COL25A1: variants seen among roughly 807,000 people sequenced by gnomAD.
COL25A1 encodes the protein collagen type XXV alpha 1 chain.
COL25A1 carries 103 observed loss-of-function variants against 128.4 expected under a neutral mutation model. That is an observed-to-expected ratio of 0.80 (90% confidence interval 0.68 to 0.94). The LOEUF (loss-of-function observed/expected upper bound fraction) is 0.94. Ranked by LOEUF, COL25A1 falls within the 40% of genes least tolerant of loss-of-function variation. The probability of loss-of-function intolerance (pLI) is 0.00; values close to 1 mark genes in which losing one functional copy is unlikely to be tolerated. For synonymous variants in COL25A1, 279 were observed against 277.2 expected, an observed-to-expected ratio of 1.01 and a Z score of -0.06; for missense variants, 745 against 840.0, an observed-to-expected ratio of 0.89 and a Z score of 1.40.
At chr4:109,049,677 A>G (rs886087467) in intron 4 of COL25A1, among the ~76,000 whole-genome samples, 1 of 152,250 alleles carries the variant, frequency 6.6e-6, no homozygotes, top group Non-Finnish European at 1.5e-5. Flanking sequence ...AAAGCATGAC[A>G]GAATTGTGCC....
intron 3 of COL25A1, among the ~76,000 whole-genome samples, chr4:109,172,687 G>A (rs1773703371): frequency 2.0e-5 from 3 of 152,136 alleles, no homozygotes; most frequent in African/African-American, 7.2e-5. Context: ...GCCAAAATTT[G>A]AAAGTTTCTG....
Position 108,941,415 on chromosome 4 carries a change from T to G in COL25A1, c.515A>C (p.His172Pro). The G allele has an allele frequency of 2.5e-6, 4 of 1,614,002 alleles. No homozygotes were observed. The highest frequency in any genetic ancestry group is 3.4e-6 in the Non-Finnish European group (4 of 1,179,920). ...GPRMVFPKIN[H>P]GFLSADQQLI... ...CTGCTGATCAGCAGAGAGAAACCCA[T>G]GATTGATTTTAGGAAACACCATCTG... Residue 172 changes from histidine (H) to proline (P), a missense_variant, in exon 9 of 38, where the codon CAT (histidine) becomes CCT (proline). His to Pro is a moderately conservative substitution (Grantham distance 77). Around this residue, in one of 3 missense-constraint regions of COL25A1, gnomAD observed 319 missense variants for 324.9 expected, o/e 0.98. Coordinates refer to ENST00000399132, the MANE Select transcript of COL25A1 (RefSeq NM_198721.4).
intron 3 of COL25A1, among the ~76,000 whole-genome samples, chr4:109,090,672 C>A (rs1385918288): frequency 6.6e-6 from 1 of 152,056 alleles, no homozygotes; most frequent in Non-Finnish European, 1.5e-5. Context: ...TAGTTTCACC[C>A]ACTTCCTTCT....
At chr4:108,849,911 C>T (rs906955069) in intron 26 of COL25A1, among the ~76,000 whole-genome samples, 2 of 151,910 alleles carry the variant, frequency 1.3e-5, no homozygotes, top group Non-Finnish European at 2.9e-5. Context: ...AAGGCATGAT[C>T]TTGTGGTTAT....
At chr4:108,989,176 T>C (rs1190719525) in intron 6 of COL25A1, among the ~76,000 whole-genome samples, 1 of 152,218 alleles carries the variant, frequency 6.6e-6, no homozygotes, top group East Asian at 1.9e-4. Context: ...TAGAGGAGGC[T>C]TCCATCCAGA....
intron 3 of COL25A1, among the ~76,000 whole-genome samples, chr4:109,136,918 T>G (rs1271358949): frequency 6.6e-6 from 1 of 152,238 alleles, no homozygotes; most frequent in Non-Finnish European, 1.5e-5. Flanking sequence ...CACATCCTCC[T>G]TTGAAGAGGC....
chr4:109,244,744 T>C (rs1357991285), intron 3 of COL25A1, among the ~76,000 whole-genome samples: 5 of 152,072 alleles, frequency 3.3e-5, no homozygotes, highest in Non-Finnish European at 7.4e-5. Context: ...ATCACAGAGG[T>C]TTAAAATTAA....
intron 24 of COL25A1, among the ~76,000 whole-genome samples, chr4:108,856,912 T>C (rs1736590706): frequency 6.6e-6 from 1 of 152,118 alleles, no homozygotes; most frequent in Non-Finnish European, 1.5e-5. Context: ...AGAAAAAAAT[T>C]TATTCCAATA....
chr4:108,944,948 G>A (rs562648587), intron 8 of COL25A1, among the ~76,000 whole-genome samples: 3 of 152,214 alleles, frequency 2.0e-5, no homozygotes, highest in Admixed American at 6.5e-5. Context: ...AGGAGTTTAC[G>A]TGTAGCAAAG....
intron 3 of COL25A1, among the ~76,000 whole-genome samples, chr4:109,205,572 C>T (rs1037655730): frequency 2.6e-5 from 4 of 152,088 alleles, no homozygotes; most frequent in African/African-American, 9.7e-5. Flanking sequence ...AGATCAAATA[C>T]AGAAGACATT....
At chr4:109,157,084 G>C (rs1182480372) in intron 3 of COL25A1, among the ~76,000 whole-genome samples, 1 of 152,172 alleles carries the variant, frequency 6.6e-6, no homozygotes, top group Admixed American at 6.5e-5. Context: ...TTAACTGACA[G>C]TCAGTTGCCT....
intron 3 of COL25A1, among the ~76,000 whole-genome samples, chr4:109,158,033 T>C (rs1445836020): frequency 6.6e-6 from 1 of 152,208 alleles, no homozygotes. Flanking sequence ...AAACCACCTG[T>C]TGAACTAAAG....
At chr4:108,819,357 T>C (rs768615936) in intron 35 of COL25A1, 28 bp from the exon 36 acceptor site, 2 of 1,567,350 alleles carry the variant, frequency 1.3e-6, no homozygotes. Flanking sequence ...CTCATAATGT[T>C]ACTAACACAA....
At chr4:109,021,390 A>G (rs971987251) in intron 5 of COL25A1, among the ~76,000 whole-genome samples, 1 of 152,204 alleles carries the variant, frequency 6.6e-6, no homozygotes, top group Non-Finnish European at 1.5e-5. Flanking sequence ...TTTCATGGAC[A>G]TTTATCACTT....
chr4:109,192,716 T>C lies in COL25A1; in HGVS notation c.367+107867A>G, dbSNP rs542060308. Among the ~76,000 whole-genome samples the C allele has an allele frequency of 2.4e-4, 36 of 152,072 alleles. No homozygotes were observed. The South Asian group carries it at 7.5e-3, about 32-fold the overall frequency. ...AAATTACAAAAAAATTAGCCAGGTG[T>C]GGTCGGGGGCACCTGTAGTACCAGC... On this transcript the variant is annotated intron_variant, in intron 3 of 37. Coordinates refer to ENST00000399132, the MANE Select transcript of COL25A1 (RefSeq NM_198721.4).
At chr4:109,187,535 T>C (rs1235114390) in intron 3 of COL25A1, among the ~76,000 whole-genome samples, 1 of 152,176 alleles carries the variant, frequency 6.6e-6, no homozygotes, top group Non-Finnish European at 1.5e-5. Flanking sequence ...AAATGCAAAA[T>C]GCTAAAAACA....
At chr4:109,230,493 G>A (rs773714389) in intron 3 of COL25A1, among the ~76,000 whole-genome samples, 1 of 152,112 alleles carries the variant, frequency 6.6e-6, no homozygotes, top group Non-Finnish European at 1.5e-5. Context: ...TATTAAAAAT[G>A]TATAATGTGG....
At chr4:109,240,113 T>A (rs1325326404) in intron 3 of COL25A1, among the ~76,000 whole-genome samples, 1 of 151,638 alleles carries the variant, frequency 6.6e-6, no homozygotes, top group East Asian at 1.9e-4. Context: ...TACAGTTAAA[T>A]TTTTTTTAAT....
intron 16 of COL25A1, among the ~76,000 whole-genome samples, chr4:108,891,332 A>T (rs1231081841): frequency 1.3e-5 from 2 of 152,168 alleles, no homozygotes; most frequent in Non-Finnish European, 2.9e-5. Context: ...AATGTAACTA[A>T]ACATAAAAAA....
Sources: allele counts gnomAD v4.1 joint callset (sites outside exome capture counted in the v4.1 genomes callset), GRCh38; gene constraint gnomAD v4.1.1; regional missense constraint gnomAD v4.1.1; transcripts MANE v1.5; gene names NCBI Gene and HGNC (gene_info 2026-07-23, HGNC 2026-07-21).